Variants in RNF150 observed in about 807,000 individuals in gnomAD.
The protein encoded by RNF150 is ring finger protein 150.
RNF150 carries 24 observed loss-of-function variants against 39.3 expected under a neutral mutation model. The observed-to-expected ratio is 0.61, with a 90% confidence interval of 0.44 to 0.86. The LOEUF (loss-of-function observed/expected upper bound fraction) is 0.86, where lower values mean the gene tolerates loss of function less well. Among genes scored for constraint, RNF150 ranks in the 40% least tolerant of loss-of-function variants. The pLI, the probability that RNF150 is intolerant of heterozygous loss-of-function variation, is 0.00. For synonymous variants in RNF150, 255 were observed against 227.3 expected, an observed-to-expected ratio of 1.12 and a Z score of -1.10; for missense variants, 502 against 587.8, an observed-to-expected ratio of 0.85 and a Z score of 1.51.
chr4:140,954,001 G>T (rs540458004), intron 2 of RNF150, among the ~76,000 whole-genome samples: 13 of 152,096 alleles, frequency 8.5e-5, no homozygotes, highest in Non-Finnish European at 1.5e-4. Flanking sequence ...GATTGGAACC[G>T]GAAGTCTATT....
chr4:141,065,468 T>C (rs1294823644), intron 1 of RNF150, among the ~76,000 whole-genome samples: 2 of 152,186 alleles, frequency 1.3e-5, no homozygotes, highest in Non-Finnish European at 2.9e-5. Context: ...CTATTTGTAA[T>C]ATATTTCAAG....
intron 1 of RNF150, among the ~76,000 whole-genome samples, chr4:141,106,859 C>A (rs1485342705): frequency 6.6e-6 from 1 of 152,032 alleles, no homozygotes; most frequent in Non-Finnish European, 1.5e-5. Context: ...TCTAGTCTTT[C>A]CATCTACAAT....
chr4:141,169,267 G>A (rs1727660241), intron 1 of RNF150, among the ~76,000 whole-genome samples: 1 of 152,000 alleles, frequency 6.6e-6, no homozygotes, highest in South Asian at 2.1e-4. Flanking sequence ...GGGCATGTAG[G>A]ACGTGTCTAC....
intron 1 of RNF150, among the ~76,000 whole-genome samples, chr4:141,072,189 C>T (rs1352397818): frequency 1.3e-5 from 2 of 152,170 alleles, no homozygotes; most frequent in East Asian, 3.9e-4. Context: ...AACAGCATCA[C>T]AAGAACTATT....
intron 6 of RNF150, among the ~76,000 whole-genome samples, chr4:140,884,376 T>C (rs1313923001): frequency 1.3e-5 from 2 of 152,350 alleles, no homozygotes; most frequent in African/African-American, 4.8e-5. Context: ...CATGCTTTGT[T>C]GGGACTTCAG....
chr4:141,044,733 A>C (rs1578664277), intron 1 of RNF150, among the ~76,000 whole-genome samples: 1 of 151,690 alleles, frequency 6.6e-6, no homozygotes, highest in African/African-American at 2.4e-5. Context: ...ATCCCTACAC[A>C]TGTTGGAGTA....
chr4:141,016,434 T>C (rs1384352399), intron 1 of RNF150, among the ~76,000 whole-genome samples: 1 of 147,996 alleles, frequency 6.8e-6, no homozygotes, highest in Non-Finnish European at 1.5e-5. Context: ...AATTAGCATG[T>C]CATTAAAAGC....
intron 1 of RNF150, among the ~76,000 whole-genome samples, chr4:141,172,051 A>G (rs1222487608): frequency 1.3e-5 from 2 of 152,216 alleles, no homozygotes; most frequent in African/African-American, 2.4e-5. Context: ...TATTGCCACA[A>G]TAATGCTCTC....
intron 1 of RNF150, among the ~76,000 whole-genome samples, chr4:141,084,257 T>C (rs1050208157): frequency 2.6e-5 from 4 of 152,206 alleles, no homozygotes; most frequent in Non-Finnish European, 5.9e-5. Flanking sequence ...TTCACCCGGA[T>C]TTGTAGCAAT....
chr4:140,949,124 G>A (rs181987146), intron 3 of RNF150, among the ~76,000 whole-genome samples, 177 bp downstream of exon 3: 7 of 152,134 alleles, frequency 4.6e-5, no homozygotes, highest in East Asian at 3.9e-4. Flanking sequence ...CATAGCATAC[G>A]CATTTTATAA....
At chr4:140,926,125 G>A (rs12503723) in intron 4 of RNF150, 52 bp from the exon 5 acceptor site, 719,953 of 1,281,090 alleles carry the variant, frequency 0.56, 207,820 homozygotes, top group East Asian at 0.91. Context: ...GAGAATACCT[G>A]GTCCACCATG....
At chr4:140,872,515 T>C (rs918411167) in intron 6 of RNF150, among the ~76,000 whole-genome samples, 1 of 152,070 alleles carries the variant, frequency 6.6e-6, no homozygotes, top group African/African-American at 2.4e-5. Flanking sequence ...AAGAAAAATA[T>C]TGGCAGGACA....
In RNF150 at chr4:141,110,170, C is replaced by T. The variant is rs539868684; in HGVS notation, c.484+22155G>A. 3.3e-5 allele frequency among the ~76,000 whole-genome samples: 5 copies of T among 152,298 alleles called. No homozygotes were observed. The East Asian group carries it at 7.7e-4, about 24-fold the overall frequency. On this transcript the variant is annotated intron_variant, in intron 1 of 6. Transcript: ENST00000515673. ...ACACTGAAAATGCAGGGGAACACTG[C>T]CTCAGCCTCGGTCTGCCTCCTAATG...
At chr4:140,973,003 C>A (rs1733522699) in intron 1 of RNF150, among the ~76,000 whole-genome samples, 1 of 151,992 alleles carries the variant, frequency 6.6e-6, no homozygotes, top group Non-Finnish European at 1.5e-5. Context: ...AGAGCACACA[C>A]TATCATTATT....
intron 6 of RNF150, among the ~76,000 whole-genome samples, chr4:140,893,657 G>A (rs968399712): frequency 2.6e-5 from 4 of 152,158 alleles, no homozygotes; most frequent in African/African-American, 9.7e-5. Flanking sequence ...GGGGCCACCT[G>A]TGTGGAATGG....
intron 1 of RNF150, among the ~76,000 whole-genome samples, chr4:141,127,172 G>T (rs1726775749): frequency 6.6e-6 from 1 of 152,176 alleles, no homozygotes; most frequent in Non-Finnish European, 1.5e-5. Context: ...TACTGTCTGT[G>T]TGACCAAGTT....
At chr4:141,174,536 G>A (rs10013072) in intron 1 of RNF150, among the ~76,000 whole-genome samples, 1,885 of 152,252 alleles carry the variant, frequency 0.012, 41 homozygotes, top group African/African-American at 0.042. Context: ...GAACCAGATC[G>A]TGTGCTGTTG....
intron 3 of RNF150, among the ~76,000 whole-genome samples, chr4:140,948,600 T>G (rs1210341789): frequency 2.6e-5 from 4 of 152,178 alleles, no homozygotes; most frequent in Non-Finnish European, 4.4e-5. Context: ...CTCTGTGTTT[T>G]GATTTTAAAA....
chr4:140,904,314 T>C (rs533117030), intron 6 of RNF150, among the ~76,000 whole-genome samples: 1 of 152,366 alleles, frequency 6.6e-6, no homozygotes, highest in African/African-American at 2.4e-5. Context: ...GAAGGGAAGA[T>C]GACAGTGGGG....
Sources: allele counts gnomAD v4.1 joint callset (sites outside exome capture counted in the v4.1 genomes callset), GRCh38; gene constraint gnomAD v4.1.1; transcripts MANE v1.5; gene names NCBI Gene and HGNC (gene_info 2026-07-23, HGNC 2026-07-21).